The following CTNNA3 variants were observed in gnomAD, a reference collection of about 807,000 sequenced individuals.
The protein encoded by CTNNA3 is catenin alpha-3.
CTNNA3 carries 76 observed loss-of-function variants against 95.7 expected under a neutral mutation model. The ratio of observed to expected loss-of-function variants is 0.79; its 90% CI spans 0.66 to 0.96. CTNNA3 has a LOEUF of 0.96. Among genes scored for constraint, CTNNA3 ranks in the 40% least tolerant of loss-of-function variants. CTNNA3 has a pLI of 0.00. For missense variants in CTNNA3, 1,191 were observed against 1,089.8 expected (o/e 1.09, Z -1.31); for synonymous variants, 431 against 374.4 (o/e 1.15, Z -1.74).
At chr10:66,889,656 G>C (rs1212534571) in intron 7 of CTNNA3, among the ~76,000 whole-genome samples, 6 of 152,164 alleles carry the variant, frequency 3.9e-5, no homozygotes, top group Non-Finnish European at 7.3e-5. Context: ...TTTAGAGGCA[G>C]AACTATAAGA....
intron 7 of CTNNA3, among the ~76,000 whole-genome samples, chr10:66,847,147 C>T (rs1258531328): frequency 2.0e-5 from 3 of 152,140 alleles, no homozygotes; most frequent in African/African-American, 7.2e-5. Context: ...TGTTTATGTT[C>T]TATTTCAAGT....
intron 1 of CTNNA3, among the ~76,000 whole-genome samples, chr10:67,679,892 A>G (rs1329134231): frequency 6.6e-6 from 1 of 152,234 alleles, no homozygotes; most frequent in Admixed American, 6.5e-5. Context: ...GGATCTGAAC[A>G]TACGAACAAA....
At chr10:67,274,564 A>C (rs1415596314) in intron 5 of CTNNA3, among the ~76,000 whole-genome samples, 1 of 152,146 alleles carries the variant, frequency 6.6e-6, no homozygotes, top group Non-Finnish European at 1.5e-5. Context: ...GCAGTGGCTC[A>C]CACCTGTAAT....
At chr10:66,852,608 TG>T (rs1378363856) in intron 7 of CTNNA3, among the ~76,000 whole-genome samples, 1 of 152,094 alleles carries the variant, frequency 6.6e-6, no homozygotes, top group African/African-American at 2.4e-5. Flanking sequence ...AGCTAAACAC[TG>T]GGGAGACGCA....
At chr10:67,649,677 T>C (rs371703510) in intron 1 of CTNNA3, among the ~76,000 whole-genome samples, 7 of 152,218 alleles carry the variant, frequency 4.6e-5, no homozygotes, top group African/African-American at 1.4e-4. Flanking sequence ...CCTGACTGAT[T>C]GGAAATTAGG....
At chr10:66,606,393 G>C (rs778387541) in intron 10 of CTNNA3, among the ~76,000 whole-genome samples, 1 of 152,066 alleles carries the variant, frequency 6.6e-6, no homozygotes, top group East Asian at 1.9e-4. Flanking sequence ...TTCAGGACCT[G>C]AACTCAGCAC....
chr10:66,566,476 A>T (rs1842708984), intron 10 of CTNNA3, among the ~76,000 whole-genome samples: 5 of 152,258 alleles, frequency 3.3e-5, no homozygotes. Flanking sequence ...AATTGAAATA[A>T]TCACGTCTGA....
chr10:66,027,354 T>C (rs985606433), intron 15 of CTNNA3, among the ~76,000 whole-genome samples: 4 of 152,190 alleles, frequency 2.6e-5, no homozygotes, highest in African/African-American at 9.6e-5. Context: ...TATTTAACAA[T>C]TAGTCTTATT....
chr10:67,204,651 A>G (rs1863810996), intron 6 of CTNNA3, among the ~76,000 whole-genome samples: 1 of 152,220 alleles, frequency 6.6e-6, no homozygotes, highest in South Asian at 2.1e-4. Context: ...TCAAACTGAC[A>G]TGACAGTCCG....
At position 67,647,508 on chromosome 10, in the gene CTNNA3, T is replaced by C. The variant is rs779894670; in HGVS notation, c.6A>G (p.Ser2=). 5.2e-5 allele frequency: 84 copies of C among 1,612,798 alleles called. No homozygotes were observed. The highest frequency in any genetic ancestry group is 7.0e-5 in the Non-Finnish European group (82 of 1,179,174). ...TATTCAATGTGATTGGTGTTTCAGCTGACATGCTGCCTGTGCACAAACACA... is the reference window on the plus strand; with the variant it reads ...TATTCAATGTGATTGGTGTTTCAGCCGACATGCTGCCTGTGCACAAACACA... The part of the protein sequence containing the change: M[S]AETPITLNID... Residue 2 remains serine, a synonymous_variant, in exon 2 of 18, where the codon TCA becomes TCG. Coordinates refer to ENST00000433211, the MANE Select transcript of CTNNA3 (RefSeq NM_013266.4).
At chr10:66,555,750 G>A (rs1333478318) in intron 10 of CTNNA3, among the ~76,000 whole-genome samples, 1 of 151,792 alleles carries the variant, frequency 6.6e-6, no homozygotes, top group South Asian at 2.1e-4. Context: ...CATTTTCTTG[G>A]TGGCTTTAAC....
At chr10:66,515,226 C>T (rs1840798639) in intron 11 of CTNNA3, among the ~76,000 whole-genome samples, 1 of 151,664 alleles carries the variant, frequency 6.6e-6, no homozygotes, top group Non-Finnish European at 1.5e-5. Context: ...ACAAATGATT[C>T]AGAAGAAAAT....
At position 66,635,691 on chromosome 10, in the gene CTNNA3, A is replaced by G. The variant is rs112632701; in HGVS notation, c.1282-13907T>C. ...CCTGGATGTGGATGAGACCATCAAT[A>G]TCACCTGATTCCCTAACTAATCACG... On this transcript the variant is annotated intron_variant, in intron 9 of 17. Transcript: ENST00000433211. 1.1e-3 allele frequency among the ~76,000 whole-genome samples: 160 copies of G among 152,260 alleles called. 1 individual carries two copies. The highest frequency in any genetic ancestry group is 3.6e-3 in the African/African-American group (148 of 41,564).
At chr10:67,756,126 TAG>T (rs1841431768) in intron 1 of CTNNA3, among the ~76,000 whole-genome samples, 2 of 151,828 alleles carry the variant, frequency 1.3e-5, no homozygotes, top group South Asian at 4.2e-4. Context: ...CTTATGAAGA[TAG>T]AGAGTAGACT....
intron 7 of CTNNA3, among the ~76,000 whole-genome samples, chr10:66,892,350 T>C (rs894022340): frequency 6.6e-5 from 10 of 152,138 alleles, no homozygotes; most frequent in Non-Finnish European, 1.3e-4. Context: ...CAGTGATTTT[T>C]AAAATTAATT....
chr10:66,431,035 A>G (rs2093290319), intron 11 of CTNNA3, among the ~76,000 whole-genome samples: 1 of 150,224 alleles, frequency 6.7e-6, no homozygotes, highest in Admixed American at 6.6e-5. Flanking sequence ...AGAATCCACA[A>G]AGAACTCAAA....
intron 7 of CTNNA3, among the ~76,000 whole-genome samples, chr10:66,816,189 C>G (rs149199000): frequency 0.018 from 2,662 of 151,828 alleles, 81 homozygotes; most frequent in African/African-American, 0.062. Context: ...AAACATAACT[C>G]TGAAAATATA....
intron 5 of CTNNA3, among the ~76,000 whole-genome samples, chr10:67,246,920 A>C (rs1270457072): frequency 6.6e-6 from 1 of 152,214 alleles, no homozygotes; most frequent in Non-Finnish European, 1.5e-5. Context: ...AGCTTTTGCT[A>C]TCTCAATGTG....
At chr10:66,395,015 AT>A (rs1564924730) in intron 11 of CTNNA3, among the ~76,000 whole-genome samples, 1 of 151,926 alleles carries the variant, frequency 6.6e-6, no homozygotes, top group African/African-American at 2.4e-5. Context: ...GTTTTTATTT[AT>A]TTTTTCCCCT....
Sources: gnomAD v4.1 joint callset for allele counts (sites outside exome capture counted in the v4.1 genomes callset) on GRCh38, gnomAD v4.1.1 for gene constraint, MANE v1.5 for transcripts, NCBI Gene and HGNC (gene_info 2026-07-23, HGNC 2026-07-21) for gene names.